The following RPTOR variants were observed in gnomAD, a reference collection of about 807,000 sequenced individuals.
RPTOR encodes regulatory associated protein of MTOR complex 1.
Under a neutral mutation model 169.9 loss-of-function variants are expected in RPTOR, and 21 were observed. That is an observed-to-expected ratio of 0.12 (90% CI 0.09 to 0.18). The LOEUF (loss-of-function observed/expected upper bound fraction) is 0.18, where lower values mean the gene tolerates loss of function less well. RPTOR is among the 10% of genes least tolerant of loss of function. RPTOR has a pLI of 1.00. For missense variants in RPTOR, 1,133 were observed against 1,855.9 expected, an observed-to-expected ratio of 0.61 and a Z score of 7.16; for synonymous variants, 732 against 753.2, an observed-to-expected ratio of 0.97 and a Z score of 0.46.
chr17:80,938,354 TCC>T (rs2068980178), intron 24 of RPTOR, among the ~76,000 whole-genome samples: 3 of 152,214 alleles, frequency 2.0e-5, no homozygotes, highest in Non-Finnish European at 4.4e-5. Flanking sequence ...TCAGTTCCTC[TCC>T]CTTCCCACTC....
chr17:80,907,689 T>C (rs1217329932), intron 20 of RPTOR, among the ~76,000 whole-genome samples: 1 of 152,202 alleles, frequency 6.6e-6, no homozygotes, highest in Non-Finnish European at 1.5e-5. Context: ...CAATCTCTGA[T>C]TGGCTCCTGC....
At chr17:80,939,537 G>A (rs373855429) in intron 24 of RPTOR, among the ~76,000 whole-genome samples, 1 of 152,186 alleles carries the variant, frequency 6.6e-6, no homozygotes, top group Non-Finnish European at 1.5e-5. Flanking sequence ...AAGTTCTCAC[G>A]AGTTAGTTTA....
chr17:80,826,418 G>A (rs913081390), intron 9 of RPTOR, among the ~76,000 whole-genome samples: 2 of 152,162 alleles, frequency 1.3e-5, no homozygotes, highest in African/African-American at 4.8e-5. Flanking sequence ...GCCCTGCTGA[G>A]GCCTGTGGCA....
At chr17:80,738,752 C>T (rs1284443161) in intron 5 of RPTOR, among the ~76,000 whole-genome samples, 3 of 152,176 alleles carry the variant, frequency 2.0e-5, no homozygotes, top group African/African-American at 7.2e-5. Flanking sequence ...TAAATTGATG[C>T]TCAGGAAGGA....
At chr17:80,715,188 G>A (rs189885787) in intron 4 of RPTOR, among the ~76,000 whole-genome samples, 38 of 152,208 alleles carry the variant, frequency 2.5e-4, no homozygotes, top group Admixed American at 1.2e-3. Context: ...AAAAGTTGAC[G>A]AATCTCTACG....
intron 20 of RPTOR, among the ~76,000 whole-genome samples, chr17:80,908,072 A>G (rs189483814): frequency 9.1e-4 from 139 of 152,246 alleles, no homozygotes; most frequent in African/African-American, 3.2e-3. Context: ...ATTGCTGGGG[A>G]ATTAAATAGG....
At position 80,962,557 on chromosome 17, in the gene RPTOR, C is replaced by A. The variant is rs767358018; in HGVS notation, c.3789C>A (p.Pro1263=). ...VKGLTALDIH[P]QADLIACGSV... ...GGCTGACGGCCCTGGACATCCACCC[C>A]CAGGCGGACCTGATCGCATGGTAGG... is the stretch of plus-strand genomic sequence containing the variant. Residue 1263 remains proline, a synonymous_variant, in exon 32 of 34, where the codon CCC becomes CCA. Coordinates refer to ENST00000306801, the MANE Select transcript of RPTOR (RefSeq NM_020761.3). The A allele has an allele frequency of 9.9e-6, 16 of 1,613,496 alleles. No homozygotes were observed. Among genetic ancestry groups the A allele is most frequent in the Non-Finnish European group, 1.3e-5 (15 of 1,179,870 alleles).
intron 6 of RPTOR, among the ~76,000 whole-genome samples, chr17:80,777,456 G>A (rs541256391): frequency 1.5e-4 from 23 of 152,236 alleles, no homozygotes; most frequent in Admixed American, 7.2e-4. Flanking sequence ...CCGTCCTGCT[G>A]TGTGTGAAGT....
chr17:80,659,821 A>T lies in RPTOR; in HGVS notation c.348+16011A>T, dbSNP rs529390493. On this transcript the variant is annotated intron_variant, in intron 3 of 33. Transcript: ENST00000306801. This position sits in a 1 kb window ranked among gnomAD's most constrained non-coding sequence, Gnocchi z 4.3. ...CCGGACCATCTGGCTAATTTAAAAA[A>T]TTTTTTTGTAGAGATAAGGTCTTGC... 9.2e-5 allele frequency among the ~76,000 whole-genome samples: 14 copies of T among 152,134 alleles called. No individual in the cohort carries two copies. The highest frequency in any genetic ancestry group is 2.1e-4 in the South Asian group (1 of 4,818).
chr17:80,595,839 T>G (rs1281737469), intron 1 of RPTOR, among the ~76,000 whole-genome samples: 1 of 152,222 alleles, frequency 6.6e-6, no homozygotes, highest in Non-Finnish European at 1.5e-5. Flanking sequence ...TCACTGGTAC[T>G]GCCAGGCTAT....
chr17:80,914,002 G>A (rs980214998), intron 21 of RPTOR, among the ~76,000 whole-genome samples: 7 of 152,272 alleles, frequency 4.6e-5, no homozygotes, highest in Non-Finnish European at 8.8e-5. Flanking sequence ...AAGCACCGCT[G>A]CAGCCTCTTG....
chr17:80,902,171 G>T (rs2068484496), intron 20 of RPTOR, among the ~76,000 whole-genome samples: 2 of 152,158 alleles, frequency 1.3e-5, no homozygotes, highest in Non-Finnish European at 2.9e-5. Context: ...TCGTTGCCCT[G>T]GGTCTTGCTC....
chr17:80,549,669 G>T (rs2084321628), intron 1 of RPTOR, among the ~76,000 whole-genome samples: 2 of 152,246 alleles, frequency 1.3e-5, no homozygotes, highest in South Asian at 4.1e-4. Context: ...AAAGTGGACA[G>T]TGGGGATAAC....
chr17:80,820,145 G>A lies in RPTOR; in HGVS notation c.891-2056G>A, dbSNP rs1432561436. Among the ~76,000 whole-genome samples, 1 of 152,158 alleles carries A rather than the reference G, an allele frequency of 6.6e-6. No individual in the cohort carries two copies. The highest frequency in any genetic ancestry group is 2.4e-5 in the African/African-American group (1 of 41,422). On this transcript the variant is annotated intron_variant, in intron 7 of 33. Transcript: ENST00000306801. This position sits in a 1 kb window ranked among gnomAD's most constrained non-coding sequence, Gnocchi z 4.1. ...GCCACTTATGTGTTTACTGATCCTA[G>A]GCCACAGAGCTTCGGCGTGTGGTCT... is the stretch of plus-strand genomic sequence containing the variant.
In RPTOR at chr17:80,893,704, C is replaced by A; in HGVS notation, c.2243-3C>A. On this transcript the variant is annotated splice_region_variant and splice_polypyrimidine_tract_variant and intron_variant, in intron 19 of 33. Coordinates refer to ENST00000306801, the MANE Select transcript of RPTOR (RefSeq NM_020761.3). ...CCCACTGACCCCGTTGCGTCTCGGGCAGCTGGTGGCGCGGTGGCGTTCTCC... is the reference window on the plus strand; with the variant it reads ...CCCACTGACCCCGTTGCGTCTCGGGAAGCTGGTGGCGCGGTGGCGTTCTCC... 1 of 1,608,986 alleles carries A rather than the reference C, an allele frequency of 6.2e-7. No individual in the cohort carries two copies. The highest frequency in any genetic ancestry group is 8.5e-7 in the Non-Finnish European group (1 of 1,177,664).
At chr17:80,771,149 C>T (rs376046553) in intron 6 of RPTOR, among the ~76,000 whole-genome samples, 25 of 152,344 alleles carry the variant, frequency 1.6e-4, no homozygotes, top group East Asian at 7.7e-4. Context: ...GGGTCTGCGG[C>T]TGCCTCTCTG....
intron 24 of RPTOR, among the ~76,000 whole-genome samples, chr17:80,932,146 C>CATACAT (rs2068905404): frequency 6.9e-6 from 1 of 145,874 alleles, no homozygotes; most frequent in South Asian, 2.2e-4. Context: ...TCCAGGCATG[C>CATACAT]ATATATATAT....
chr17:80,838,426 C>T (rs535901946), intron 10 of RPTOR, among the ~76,000 whole-genome samples: 5 of 152,188 alleles, frequency 3.3e-5, no homozygotes, highest in Non-Finnish European at 7.3e-5. Flanking sequence ...ACTGCACGGG[C>T]GCTGGAGAGC....
At chr17:80,712,417 A>G (rs1327328315) in intron 4 of RPTOR, among the ~76,000 whole-genome samples, 2 of 152,136 alleles carry the variant, frequency 1.3e-5, no homozygotes, top group East Asian at 1.9e-4. Context: ...TTGGACTCAT[A>G]TAGTATGTAG....
Sources: gnomAD v4.1 joint callset for allele counts (sites outside exome capture counted in the v4.1 genomes callset) on GRCh38, gnomAD v4.1.1 for gene constraint, Gnocchi (gnomAD v3.1) non-coding constraint, MANE v1.5 for transcripts, NCBI Gene and HGNC (gene_info 2026-07-23, HGNC 2026-07-21) for gene names.